KALRN: variants seen among roughly 807,000 people sequenced by gnomAD.
KALRN encodes the protein kalirin RhoGEF kinase.
A neutral mutation model predicts 353.7 loss-of-function variants in KALRN; 70 were observed. The observed-to-expected ratio is 0.20, with a 90% CI of 0.16 to 0.24. KALRN has a LOEUF of 0.24. Among genes scored for constraint, KALRN ranks in the 10% least tolerant of loss-of-function variants. The pLI is 1.00. For synonymous variants in KALRN, 1,391 were observed against 1,434.8 expected, an observed-to-expected ratio of 0.97 and a Z score of 0.69; for missense variants, 2,791 against 3,756.7, an observed-to-expected ratio of 0.74 and a Z score of 6.72.
At chr3:124,401,044 G>T (rs1256301580) in intron 13 of KALRN, among the ~76,000 whole-genome samples, 1 of 152,134 alleles carries the variant, frequency 6.6e-6, no homozygotes, top group African/African-American at 2.4e-5. Context: ...CATCAGCTGG[G>T]GGCATCGCAA....
At chr3:124,694,978 T>G (rs1030795032) in intron 53 of KALRN, among the ~76,000 whole-genome samples, 8 of 152,220 alleles carry the variant, frequency 5.3e-5, no homozygotes, top group African/African-American at 1.9e-4. Context: ...TCAGAAGATT[T>G]AGACTTCTGA....
intron 10 of KALRN, among the ~76,000 whole-genome samples, chr3:124,366,514 G>A (rs2084713768): frequency 6.7e-6 from 1 of 148,282 alleles, no homozygotes; most frequent in Non-Finnish European, 1.5e-5. Flanking sequence ...AGAGCACAGG[G>A]TTGGGGGTAA....
intron 26 of KALRN, among the ~76,000 whole-genome samples, chr3:124,476,923 G>A (rs939849855): frequency 6.6e-6 from 1 of 152,172 alleles, no homozygotes; most frequent in Non-Finnish European, 1.5e-5. Context: ...TCCAAAAAAG[G>A]GTAAAATCTG....
Position 124,697,733 on chromosome 3 carries a change from T to C in KALRN, c.7831+9T>C, listed in dbSNP as rs777000124. ...GGAGTACAGAGAGGAAGGTGCACTA[T>C]CTCCTGCTCTTCTTTTTCTTTTCTC... On this transcript the variant is annotated intron_variant, in intron 55 of 59. Transcript: ENST00000682506. 2.0e-6 allele frequency: 3 copies of C among 1,522,052 alleles called. No individual in the cohort carries two copies. In the East Asian group the frequency reaches 7.3e-5, roughly 37 times the overall value. The allele number at this position is 1,522,052 out of a possible 1,614,324, so 94.3% of individuals were successfully genotyped here.
At chr3:124,315,932 G>A (rs1034599984) in intron 6 of KALRN, among the ~76,000 whole-genome samples, 1 of 152,140 alleles carries the variant, frequency 6.6e-6, no homozygotes, top group African/African-American at 2.4e-5. Flanking sequence ...GGACAGCATG[G>A]TAGCCAGCTA....
chr3:124,298,500 T>C (rs1580670588), intron 5 of KALRN, among the ~76,000 whole-genome samples: 1 of 152,154 alleles, frequency 6.6e-6, no homozygotes, highest in Non-Finnish European at 1.5e-5. Flanking sequence ...ATGCTGGTAA[T>C]GGTAAACAGC....
rs1017887879 is a variant in KALRN at position 124,170,523 on chromosome 3, G to A, written c.74-57467G>A. Among the ~76,000 whole-genome samples, 4 of 152,138 alleles carry A rather than the reference G, an allele frequency of 2.6e-5. 1 individual carries two copies. The highest frequency in any genetic ancestry group is 4.4e-5 in the Non-Finnish European group (3 of 68,024). On this transcript the variant is annotated intron_variant, in intron 1 of 59. Transcript: ENST00000682506. ...ATCATTTAGAGCCCCTAAATGTCAG[G>A]TTAAGGAGTTTGGAATTCTTTTAAA...
intron 9 of KALRN, among the ~76,000 whole-genome samples, chr3:124,346,531 G>T (rs11926986): frequency 2.8e-3 from 425 of 152,286 alleles, no homozygotes; most frequent in African/African-American, 9.8e-3. Context: ...TGTTTGTTTG[G>T]TTGGTTGGTT....
intron 1 of KALRN, among the ~76,000 whole-genome samples, chr3:124,042,529 A>T (rs1441454414): frequency 6.6e-6 from 1 of 151,982 alleles, no homozygotes; most frequent in Non-Finnish European, 1.5e-5. Context: ...AGAGGAGGGG[A>T]TGGATATGAG....
chr3:124,683,500 C>T (rs1006024059), intron 51 of KALRN, among the ~76,000 whole-genome samples: 2 of 152,228 alleles, frequency 1.3e-5, no homozygotes, highest in Non-Finnish European at 2.9e-5. Context: ...CTGAACTAGC[C>T]TCCCTGACTT....
chr3:124,185,981 G>T (rs1475797966), intron 1 of KALRN, among the ~76,000 whole-genome samples: 1 of 152,198 alleles, frequency 6.6e-6, no homozygotes, highest in East Asian at 1.9e-4. Flanking sequence ...CAAGGGAATT[G>T]CCCTCTGAAT....
chr3:124,582,097 T>C (rs1048641560), intron 34 of KALRN, among the ~76,000 whole-genome samples: 1 of 150,926 alleles, frequency 6.6e-6, no homozygotes, highest in African/African-American at 2.5e-5. Context: ...CTCCGCTCAC[T>C]GCAACCTCCG....
intron 33 of KALRN, among the ~76,000 whole-genome samples, chr3:124,544,673 A>T (rs190969056): frequency 6.6e-6 from 1 of 152,208 alleles, no homozygotes; most frequent in East Asian, 1.9e-4. Flanking sequence ...TAACATCTTG[A>T]TTATTTTGTC....
rs150527332 is a variant in KALRN, at chr3:124,655,031, G to C, written c.5796-570G>C. 3.9e-5 allele frequency among the ~76,000 whole-genome samples: 6 copies of C among 152,226 alleles called. No homozygotes were observed. The East Asian group carries it at 1.2e-3, about 29-fold the overall frequency. ...GCAGTCCATCTTTCTGGCCTTGACTGGGGGTTTTCCAGGCCAGTTACCATG... is the reference window on the plus strand; with the variant it reads ...GCAGTCCATCTTTCTGGCCTTGACTCGGGGTTTTCCAGGCCAGTTACCATG... On this transcript the variant is annotated intron_variant, in intron 38 of 59. Coordinates refer to ENST00000682506, the MANE Select transcript of KALRN (RefSeq NM_001388419.1).
chr3:124,298,581 G>A (rs565428194), intron 5 of KALRN, among the ~76,000 whole-genome samples: 10 of 151,984 alleles, frequency 6.6e-5, no homozygotes, highest in South Asian at 2.1e-4. Flanking sequence ...GCAACACAGC[G>A]GCTGCTGGTG....
chr3:124,415,700 CAG>C (rs2092457006), intron 14 of KALRN, among the ~76,000 whole-genome samples: 1 of 152,180 alleles, frequency 6.6e-6, no homozygotes, highest in Non-Finnish European at 1.5e-5. Context: ...TAAGGGTGAG[CAG>C]AGTGTGGCCC....
chr3:124,498,573 TA>T (rs1164330920), intron 33 of KALRN, among the ~76,000 whole-genome samples: 1 of 152,184 alleles, frequency 6.6e-6, no homozygotes, highest in Non-Finnish European at 1.5e-5. Flanking sequence ...ATTGTATTTT[TA>T]AATATGCTAA....
chr3:124,289,633 G>T (rs1431549715), intron 5 of KALRN, among the ~76,000 whole-genome samples: 2 of 152,192 alleles, frequency 1.3e-5, no homozygotes, highest in African/African-American at 4.8e-5. Context: ...GGAAGTTATT[G>T]TTAGAGAGCA....
chr3:124,305,650 C>T (rs555904292), intron 6 of KALRN, among the ~76,000 whole-genome samples: 11 of 152,126 alleles, frequency 7.2e-5, no homozygotes, highest in African/African-American at 2.4e-4. Flanking sequence ...ATGCTGTACT[C>T]CCCCTGGGAG....
Sources: allele counts gnomAD v4.1 joint callset (sites outside exome capture counted in the v4.1 genomes callset), GRCh38; gene constraint gnomAD v4.1.1; transcripts MANE v1.5; gene names NCBI Gene and HGNC (gene_info 2026-07-23, HGNC 2026-07-21).